The following ACSM4 variants were observed in gnomAD, a reference collection of about 807,000 sequenced individuals.
The protein encoded by ACSM4 is acyl-coenzyme A synthetase ACSM4, mitochondrial.
A neutral mutation model predicts 73.0 loss-of-function variants in ACSM4; 66 were observed. The observed-to-expected ratio is 0.90, with a 90% CI of 0.74 to 1.11. The LOEUF is 1.11. Ranked by LOEUF, ACSM4 falls within the 50% of genes least tolerant of loss-of-function variation. ACSM4 has a pLI of 0.00. For synonymous variants in ACSM4, 222 were observed against 254.0 expected, an observed-to-expected ratio of 0.87 and a Z score of 1.20; for missense variants, 645 against 714.4, an observed-to-expected ratio of 0.90 and a Z score of 1.11.
rs925057026 is a variant in ACSM4, at chr12:7,318,077, G to A, written c.816G>A (p.Thr272=). ...SSDIIWNMSD[T]GWVKAAIGSV... The stretch of plus-strand genomic sequence containing the variant: ...ATATCATATGGAATATGTCTGACAC[G>A]GGCTGGGTCAAGGCCGCCATTGGCA... The change falls in exon 5 of 13, where the codon ACG becomes ACA. Residue 272 remains threonine, a synonymous_variant. Transcript: ENST00000399422. The A allele has an allele frequency of 1.1e-5, 17 of 1,613,628 alleles. No individual in the cohort carries two copies. The highest frequency in any genetic ancestry group is 1.2e-5 in the Non-Finnish European group (14 of 1,179,814).
At position 7,328,536 on chromosome 12, in the gene ACSM4, A is replaced by G; in HGVS notation, c.*163A>G. The G allele has an allele frequency of 2.3e-6, 1 of 432,610 alleles. No homozygotes were observed. Among genetic ancestry groups the G allele is most frequent in the Admixed American group, 4.4e-5 (1 of 22,516 alleles). The allele number at this position is 432,610 out of a possible 1,614,324, so 26.8% of individuals were successfully genotyped here. A position where few individuals can be genotyped will look rare whatever the true frequency, so the allele number is the denominator to read the frequency against. On this transcript the variant is annotated 3_prime_UTR_variant, in exon 13 of 13. Transcript: ENST00000399422. Reference sequence around the variant, plus strand: ...TTACTTAGCTAAAAAGTTTAAAAGTAAATAAAAGCCTCAAAAACGTATGGA... The same window carrying G: ...TTACTTAGCTAAAAAGTTTAAAAGTGAATAAAAGCCTCAAAAACGTATGGA...
Position 7,323,522 on chromosome 12 carries a change from A to C in ACSM4, c.1270A>C (p.Lys424Gln). ...AGAAGGGGAAATTGCCCTCAGACTC[A>C]AACCTACACGGCCCTTCTGTTTCTT... ...GKEGEIALRL[K>Q]PTRPFCFFSK... The change falls in exon 9 of 13, where the codon AAA (lysine) becomes CAA (glutamine). Residue 424 changes from lysine (K) to glutamine (Q), a missense_variant. Coordinates refer to ENST00000399422, the MANE Select transcript of ACSM4 (RefSeq NM_001080454.2). 1 of 1,613,894 alleles carries C rather than the reference A, an allele frequency of 6.2e-7. No individual in the cohort carries two copies. Among genetic ancestry groups the C allele is most frequent in the Non-Finnish European group, 8.5e-7 (1 of 1,179,814 alleles).
In ACSM4 at chr12:7,322,597, T is replaced by A. The variant is rs1946472417; in HGVS notation, c.1125+56T>A. On this transcript the variant is annotated intron_variant, in intron 7 of 12. Transcript: ENST00000399422. ...ATGTGGGGGCCTTTCTGCCCCAGGT[T>A]TTTCAACTGAGCCCCTGAAGTGCCC... 3.5e-5 allele frequency: 54 copies of A among 1,546,324 alleles called. 1 individual carries two copies. In the South Asian group the frequency reaches 6.7e-4, roughly 19 times the overall value.
chr12:7,304,624 A>G (rs760844699), intron 1 of ACSM4, 92 bp downstream of exon 1: 15 of 1,282,076 alleles, frequency 1.2e-5, no homozygotes, highest in Admixed American at 1.9e-5. Context: ...CTTAATTCCA[A>G]TGCACTCTCT....
intron 3 of ACSM4, among the ~76,000 whole-genome samples, chr12:7,312,279 G>A (rs1946395434): frequency 6.6e-6 from 1 of 152,194 alleles, no homozygotes; most frequent in Non-Finnish European, 1.5e-5. Flanking sequence ...CACAACTGCA[G>A]TTTTCCTCAT....
At chr12:7,324,431 C>G (rs759640837) in intron 10 of ACSM4, 31 bp downstream of exon 10, 2 of 1,613,930 alleles carry the variant, frequency 1.2e-6, no homozygotes, top group East Asian at 4.5e-5. Flanking sequence ...GAAGAGGTAA[C>G]AATTCGACAG....
rs1368884358 is a variant in ACSM4 at position 7,310,575 on chromosome 12, C to A, written c.449C>A (p.Ala150Glu). The A allele has an allele frequency of 6.2e-7, 1 of 1,610,998 alleles. No individual in the cohort carries two copies. The highest frequency in any genetic ancestry group is 8.5e-7 in the Non-Finnish European group (1 of 1,179,070). The change falls in exon 3 of 13, where the codon GCA (alanine) becomes GAA (glutamate). Residue 150 changes from alanine to glutamate, a missense_variant. Coordinates refer to ENST00000399422, the MANE Select transcript of ACSM4 (RefSeq NM_001080454.2). The part of the protein sequence containing the change: ...IFMPGTIQLT[A>E]KDILYRLRAS... The stretch of plus-strand genomic sequence containing the variant: ...ATGCCGGGAACAATCCAGCTGACAG[C>A]AAAAGACATCCTCTACCGGCTGCGA...
rs1405365347 is a variant in ACSM4, at chr12:7,324,388, T to G, written c.1424T>G (p.Ile475Ser). The G allele has an allele frequency of 6.2e-7, 1 of 1,613,946 alleles. No homozygotes were observed. Among genetic ancestry groups the G allele is most frequent in the Non-Finnish European group, 8.5e-7 (1 of 1,179,978 alleles). Residue 475 changes from isoleucine to serine, a missense_variant, in exon 10 of 13, where the codon ATT becomes AGT. By Grantham distance (142) the Ile-to-Ser change is moderately radical. Transcript: ENST00000399422. ...FWFVGRADDV[I>S]ISSGYRIGPF... Reference sequence around the variant, plus strand: ...TTTGTCGGCAGAGCTGATGATGTCATTATATCCTCTGGGTTTGTATATTTG... The same window carrying G: ...TTTGTCGGCAGAGCTGATGATGTCAGTATATCCTCTGGGTTTGTATATTTG...
At chr12:7,321,195 C>G (rs776027213) in intron 6 of ACSM4, among the ~76,000 whole-genome samples, 22 of 152,120 alleles carry the variant, frequency 1.4e-4, no homozygotes, top group Admixed American at 1.3e-4. Context: ...AAATTGTCCT[C>G]TAGTTCTATT....
At chr12:7,316,131 T>C (rs564422255) in intron 3 of ACSM4, among the ~76,000 whole-genome samples, 5 of 152,170 alleles carry the variant, frequency 3.3e-5, no homozygotes, top group Non-Finnish European at 5.9e-5. Context: ...TGTTACTCAG[T>C]GATGGATAAC....
intron 12 of ACSM4, 35 bp from the exon 13 acceptor site, chr12:7,328,251 AT>A (rs1418326274): frequency 6.7e-7 from 1 of 1,487,356 alleles, no homozygotes. Flanking sequence ...GAAGGATGGA[AT>A]CAAGTGTCTC....
chr12:7,307,020 C>T (rs777979540), intron 2 of ACSM4, among the ~76,000 whole-genome samples: 4 of 152,066 alleles, frequency 2.6e-5, no homozygotes, highest in African/African-American at 9.7e-5. Flanking sequence ...TTTGGGAGAA[C>T]GAAGCAGGTG....
At chr12:7,311,185 TAAATA>T (rs1213229074) in intron 3 of ACSM4, among the ~76,000 whole-genome samples, 3 of 151,160 alleles carry the variant, frequency 2.0e-5, no homozygotes, top group Admixed American at 6.6e-5. Context: ...AATAAATAAA[TAAATA>T]AAATAAAAGA....
intron 2 of ACSM4, among the ~76,000 whole-genome samples, chr12:7,308,132 CT>C (rs1212436087): frequency 6.6e-6 from 1 of 152,034 alleles, no homozygotes; most frequent in African/African-American, 2.4e-5. Context: ...TTTCATAATG[CT>C]GTTGAAGATG....
At chr12:7,310,809 G>T in intron 3 of ACSM4, 63 bp downstream of exon 3, 1 of 1,494,072 alleles carries the variant, frequency 6.7e-7, no homozygotes. Context: ...CTATATCTTG[G>T]AATCTCTTTG....
At chr12:7,314,191 G>A (rs1328840434) in intron 3 of ACSM4, among the ~76,000 whole-genome samples, 1 of 152,164 alleles carries the variant, frequency 6.6e-6, no homozygotes, top group African/African-American at 2.4e-5. Context: ...TTTGACTTAG[G>A]TGATTGGTAG....
At chr12:7,323,637 T>C in intron 9 of ACSM4, 77 bp downstream of exon 9, 1 of 1,304,400 alleles carries the variant, frequency 7.7e-7, no homozygotes, top group Middle Eastern at 1.8e-4. Context: ...TCTTGCTATG[T>C]AATCTTGGGC....
rs1003332736 is a variant in ACSM4, at chr12:7,320,402, A to T, written c.922-323A>T. Reference sequence around the variant, plus strand: ...TGGCAGGAGGTTACAAGATTACACTATAAGAGGTAAGTTGTAGCCCTGAGG... The same window carrying T: ...TGGCAGGAGGTTACAAGATTACACTTTAAGAGGTAAGTTGTAGCCCTGAGG... On this transcript the variant is annotated intron_variant, in intron 5 of 12. Coordinates refer to ENST00000399422, the MANE Select transcript of ACSM4 (RefSeq NM_001080454.2). 1.3e-5 allele frequency among the ~76,000 whole-genome samples: 2 copies of T among 152,232 alleles called. 1 individual carries two copies. The highest frequency in any genetic ancestry group is 2.9e-5 in the Non-Finnish European group (2 of 68,042).
intron 3 of ACSM4, among the ~76,000 whole-genome samples, chr12:7,316,639 T>A (rs1178187054): frequency 6.6e-6 from 1 of 152,190 alleles, no homozygotes; most frequent in Non-Finnish European, 1.5e-5. Flanking sequence ...AGACAGCTAT[T>A]TGGTAAGCAA....
Sources: allele counts gnomAD v4.1 joint callset (sites outside exome capture counted in the v4.1 genomes callset), GRCh38; gene constraint gnomAD v4.1.1; transcripts MANE v1.5; gene names NCBI Gene and HGNC (gene_info 2026-07-23, HGNC 2026-07-21).